The following MBTD1 variants were observed in gnomAD, a reference collection of about 807,000 sequenced individuals.
MBTD1 encodes mbt domain containing 1.
In MBTD1, 24 loss-of-function variants were observed where a neutral mutation model predicts 87.8. The ratio of observed to expected loss-of-function variants is 0.27; its 90% confidence interval spans 0.20 to 0.38. MBTD1 has a LOEUF of 0.38. MBTD1 is among the 10% of genes least tolerant of loss of function. The pLI, the probability that MBTD1 is intolerant of heterozygous loss-of-function variation, is 1.00. For synonymous variants in MBTD1, 237 were observed against 248.6 expected (o/e 0.95, Z 0.44); for missense variants, 436 against 760.2 (o/e 0.57, Z 5.02).
In MBTD1 at chr17:51,192,288, A is replaced by G. The variant is rs2050850900; in HGVS notation, c.1691-8T>C. On this transcript the variant is annotated splice_region_variant and splice_polypyrimidine_tract_variant and intron_variant, in intron 15 of 16. Coordinates refer to ENST00000586178, the MANE Select transcript of MBTD1 (RefSeq NM_017643.3). The stretch of plus-strand genomic sequence containing the variant: ...ATTGGTTTTCTCTTGATGCTGAAAA[A>G]TAAAAAGGGAAAATTGGTACTAGAT... 6.5e-7 allele frequency: 1 copy of G among 1,543,058 alleles called. No homozygotes were observed. Among genetic ancestry groups the G allele is most frequent in the Non-Finnish European group, 8.8e-7 (1 of 1,139,964 alleles).
chr17:51,195,184 A>G, intron 13 of MBTD1, 30 bp downstream of exon 13: 1 of 1,588,572 alleles, frequency 6.3e-7, no homozygotes, highest in Non-Finnish European at 8.6e-7. Context: ...GCAACAATTA[A>G]AACCCAGTGT....
chr17:51,247,690 T>G (rs1308180583), intron 2 of MBTD1, among the ~76,000 whole-genome samples: 1 of 152,164 alleles, frequency 6.6e-6, no homozygotes, highest in Non-Finnish European at 1.5e-5. Context: ...GGTCAAGTGA[T>G]CCTCCTACCT....
At chr17:51,197,116 A>G (rs1176153058) in intron 12 of MBTD1, among the ~76,000 whole-genome samples, 1 of 61,094 alleles carries the variant, frequency 1.6e-5, no homozygotes, top group Non-Finnish European at 3.3e-5. Context: ...ATATATATAT[A>G]TGGAGGACGG....
At chr17:51,195,426 G>T (rs550257115) in intron 12 of MBTD1, 65 bp from the exon 13 acceptor site, 1 of 1,327,288 alleles carries the variant, frequency 7.5e-7, no homozygotes, top group Non-Finnish European at 1.0e-6. Flanking sequence ...ATAATACTTT[G>T]ACATTCTAAA....
In MBTD1 at chr17:51,178,322, T is replaced by C. The variant is rs1334325415; in HGVS notation, c.*2254A>G. 1 of 152,202 alleles carries C rather than the reference T, an allele frequency of 6.6e-6. No homozygotes were observed. The highest frequency in any genetic ancestry group is 2.4e-5 in the African/African-American group (1 of 41,438). The allele number at this position is 152,202 out of a possible 1,614,324, so 9.4% of individuals were successfully genotyped here. A position where few individuals can be genotyped will look rare whatever the true frequency, so the allele number is the denominator to read the frequency against. The stretch of plus-strand genomic sequence containing the variant: ...AAAAGTCCTTACCAACCTTCAACTG[T>C]TGGTCACGGGATCAAGACAAGAAAC... On this transcript the variant is annotated 3_prime_UTR_variant, in exon 17 of 17. Transcript: ENST00000586178.
chr17:51,260,093 C>A, upstream of MBTD1: 1 of 381,126 alleles, frequency 2.6e-6, no homozygotes. Flanking sequence ...GTGACCCGCG[C>A]CCCGATTGGC....
intron 16 of MBTD1, among the ~76,000 whole-genome samples, chr17:51,182,067 G>A (rs963815106): frequency 4.0e-5 from 6 of 151,748 alleles, no homozygotes; most frequent in Admixed American, 1.3e-4. Flanking sequence ...TAGCATACAC[G>A]GATCTGCTAA....
At chr17:51,204,643 C>G (rs1214608213) in intron 7 of MBTD1, among the ~76,000 whole-genome samples, 1 of 151,998 alleles carries the variant, frequency 6.6e-6, no homozygotes, top group Admixed American at 6.6e-5. Flanking sequence ...GCTGGGATTA[C>G]AGGCGTGCGC....
upstream of MBTD1, chr17:51,260,656 A>G: frequency 6.2e-7 from 1 of 1,612,290 alleles, no homozygotes; most frequent in Non-Finnish European, 8.5e-7. Context: ...GGAAGCCCGG[A>G]ATGAGGCCGG....
intron 7 of MBTD1, among the ~76,000 whole-genome samples, chr17:51,205,802 G>C (rs1250753753): frequency 1.3e-5 from 2 of 152,144 alleles, no homozygotes; most frequent in East Asian, 3.8e-4. Flanking sequence ...TGCTTGAACA[G>C]AAAAATAAAA....
Position 51,228,648 on chromosome 17 carries a change from C to T in MBTD1, c.-48-3439G>A, listed in dbSNP as rs187773030. On this transcript the variant is annotated intron_variant, in intron 2 of 16. Coordinates refer to ENST00000586178, the MANE Select transcript of MBTD1 (RefSeq NM_017643.3). ...TTGGGAGGCTGGGCGCGGTGGGTCA[C>T]GCCTGTAATTCCAGCACTTTGGGAG... is the stretch of plus-strand genomic sequence containing the variant. Among the ~76,000 whole-genome samples, 16 of 151,014 alleles carry T rather than the reference C, an allele frequency of 1.1e-4. 2 individuals carry two copies. Among genetic ancestry groups the T allele is most frequent in the African/African-American group, 3.4e-4 (14 of 41,196 alleles).
intron 2 of MBTD1, chr17:51,250,900 C>T (rs540983695): frequency 6.6e-6 from 1 of 152,182 alleles, no homozygotes; most frequent in African/African-American, 2.4e-5. Flanking sequence ...TGCTTTTCTT[C>T]AAGACTTTTT....
At chr17:51,221,287 G>C (rs2143632931) in intron 3 of MBTD1, among the ~76,000 whole-genome samples, 1 of 152,266 alleles carries the variant, frequency 6.6e-6, no homozygotes, top group Middle Eastern at 3.4e-3. Context: ...AACAGAAGGA[G>C]ATCCTGAATC....
At chr17:51,185,167 C>T (rs2050479683) in intron 16 of MBTD1, 1 of 152,198 alleles carries the variant, frequency 6.6e-6, no homozygotes, top group South Asian at 2.1e-4. Context: ...GGTAACAAGT[C>T]TCATCTAGGT....
chr17:51,195,464 C>T, intron 12 of MBTD1, 103 bp from the exon 13 acceptor site: 1 of 861,974 alleles, frequency 1.2e-6, no homozygotes, highest in Non-Finnish European at 1.7e-6. Context: ...ATATAAAGGT[C>T]TCTTCAAAGT....
intron 9 of MBTD1, 24 bp from the exon 10 acceptor site, chr17:51,202,959 G>A (rs748448729): frequency 3.6e-5 from 57 of 1,563,982 alleles, no homozygotes; most frequent in South Asian, 1.0e-4. Flanking sequence ...AAAAAAAACT[G>A]CTCGAAATTC....
rs2050219273 is a variant in MBTD1, at chr17:51,179,506, A to ATATATATATATATATATT, written c.*1069_*1070insAATATATATATATATATA. On this transcript the variant is annotated 3_prime_UTR_variant, in exon 17 of 17. Transcript: ENST00000586178. ...ATTTTATATATATATATATATATATATATATATATATATATATATATATAT... is the reference window on the plus strand; with the variant it reads ...ATTTTATATATATATATATATATATATATATATATATATATATTTATATATATATATATATATATATAT... 1.2e-5 allele frequency: 1 copy of ATATATATATATATATATT among 82,334 alleles called. No homozygotes were observed. Among genetic ancestry groups the ATATATATATATATATATT allele is most frequent in the African/African-American group, 4.6e-5 (1 of 21,558 alleles). 5.1% of individuals were successfully genotyped at this position (82,334 alleles called of 1,614,324 possible). A position where few individuals can be genotyped will look rare whatever the true frequency, so the allele number is the denominator to read the frequency against.
intron 1 of MBTD1, among the ~76,000 whole-genome samples, chr17:51,259,465 G>C (rs2055319681): frequency 6.6e-6 from 1 of 152,042 alleles, no homozygotes; most frequent in Admixed American, 6.5e-5. Context: ...GCCAAGAAGA[G>C]AGGACTACTC....
rs1295638994 is a variant in MBTD1 at position 51,234,315 on chromosome 17, C to T, written c.-48-9106G>A. ...GGCTGAGAAAGGAAAATCGCTTGAA[C>T]CCGGGAGACAGAGGTTGCAGTGAGC... is the stretch of plus-strand genomic sequence containing the variant. On this transcript the variant is annotated intron_variant, in intron 2 of 16. Transcript: ENST00000586178. Among the ~76,000 whole-genome samples, 3 of 150,620 alleles carry T rather than the reference C, an allele frequency of 2.0e-5. No individual in the cohort carries two copies. In the East Asian group the frequency reaches 5.8e-4, roughly 29 times the overall value.
Sources: gnomAD v4.1 joint callset for allele counts (sites outside exome capture counted in the v4.1 genomes callset) on GRCh38, gnomAD v4.1.1 for gene constraint, MANE v1.5 for transcripts, NCBI Gene and HGNC (gene_info 2026-07-23, HGNC 2026-07-21) for gene names.